Variants in PPARG observed in about 807,000 individuals in gnomAD.
The protein encoded by PPARG is peroxisome proliferator-activated receptor gamma.
PPARG carries 17 observed loss-of-function variants against 39.2 expected under a neutral mutation model. That is an observed-to-expected ratio of 0.43 (90% CI 0.30 to 0.65). The LOEUF (loss-of-function observed/expected upper bound fraction) is 0.65. Among genes scored for constraint, PPARG ranks in the 30% least tolerant of loss-of-function variants. The pLI, the probability that PPARG is intolerant of heterozygous loss-of-function variation, is 0.13. For missense variants in PPARG, 406 were observed against 585.9 expected (o/e 0.69, Z 3.17); for synonymous variants, 223 against 215.7 (o/e 1.03, Z -0.30).
At chr3:12,322,279 C>T (rs1056407141) in intron 2 of PPARG, among the ~76,000 whole-genome samples, 4 of 152,134 alleles carry the variant, frequency 2.6e-5, no homozygotes, top group African/African-American at 9.7e-5. Flanking sequence ...AAAGACTAGA[C>T]TAGTTATTGG....
chr3:12,378,281 G>T (rs921166579), intron 2 of PPARG, among the ~76,000 whole-genome samples: 1 of 152,164 alleles, frequency 6.6e-6, no homozygotes, highest in Non-Finnish European at 1.5e-5. Flanking sequence ...ATATCCAAGG[G>T]AAATGGAATC....
intron 4 of PPARG, among the ~76,000 whole-genome samples, chr3:12,384,775 C>T (rs2049812218): frequency 6.6e-6 from 1 of 152,094 alleles, no homozygotes; most frequent in Admixed American, 6.6e-5. Context: ...CTGGAAGCTA[C>T]ATGATGTAGG....
At chr3:12,343,390 T>G (rs549224691) in intron 2 of PPARG, among the ~76,000 whole-genome samples, 21 of 152,326 alleles carry the variant, frequency 1.4e-4, no homozygotes, top group African/African-American at 4.6e-4. Flanking sequence ...TCAGAAGGGC[T>G]CTGTTCATCT....
At chr3:12,323,904 T>G (rs2047616926) in intron 2 of PPARG, among the ~76,000 whole-genome samples, 1 of 152,200 alleles carries the variant, frequency 6.6e-6, no homozygotes, top group Admixed American at 6.5e-5. Flanking sequence ...ATTGCTAATT[T>G]GGGCAGCGAG....
intron 2 of PPARG, among the ~76,000 whole-genome samples, chr3:12,363,150 G>A (rs957271342): frequency 4.6e-5 from 7 of 152,050 alleles, no homozygotes; most frequent in Non-Finnish European, 5.9e-5. Context: ...GAACTCTTAG[G>A]CTCAAGTAAT....
chr3:12,342,210 G>A (rs1350662941), intron 2 of PPARG, among the ~76,000 whole-genome samples: 4 of 152,290 alleles, frequency 2.6e-5, no homozygotes, highest in South Asian at 4.1e-4. Flanking sequence ...AGAAACACAG[G>A]GGATGGAGAA....
chr3:12,432,088 T>A (rs1254973267), intron 7 of PPARG, among the ~76,000 whole-genome samples: 1 of 151,932 alleles, frequency 6.6e-6, no homozygotes, highest in African/African-American at 2.4e-5. Context: ...GGAAGAAAAA[T>A]TAAAGATAGT....
upstream of PPARG, chr3:12,287,835 C>G (rs1306266855): frequency 7.4e-6 from 1 of 134,816 alleles, no homozygotes; most frequent in Non-Finnish European, 1.6e-5. Context: ...CCCACCCCCA[C>G]CCCCACCCCC....
intron 6 of PPARG, among the ~76,000 whole-genome samples, chr3:12,408,567 C>CTTTTTTTTTTTTTTTTT (rs397945616): frequency 3.5e-5 from 4 of 113,266 alleles, no homozygotes; most frequent in African/African-American, 1.5e-4. Context: ...CTTTTCTTTT[C>CTTTTTTTTTTTTTTTTT]TTTTTTTTTT....
intron 1 of PPARG, among the ~76,000 whole-genome samples, chr3:12,304,282 G>GCGC (rs1169380127): frequency 5.9e-5 from 9 of 152,206 alleles, no homozygotes; most frequent in Non-Finnish European, 1.3e-4. Flanking sequence ...TCTTTGGGAT[G>GCGC]CCATTTTAAT....
At chr3:12,385,080 A>G (rs1203795184) in intron 4 of PPARG, among the ~76,000 whole-genome samples, 1 of 152,194 alleles carries the variant, frequency 6.6e-6, no homozygotes, top group East Asian at 1.9e-4. Flanking sequence ...CAGTAAAGAC[A>G]TCTCCTTAGC....
chr3:12,420,760 A>G (rs916444231), intron 7 of PPARG, among the ~76,000 whole-genome samples: 2 of 152,214 alleles, frequency 1.3e-5, no homozygotes, highest in South Asian at 2.1e-4. Context: ...GATTGCTGCC[A>G]TTGAACTTCA....
chr3:12,359,670 A>C (rs914737691), intron 2 of PPARG, among the ~76,000 whole-genome samples: 5 of 130,356 alleles, frequency 3.8e-5, no homozygotes, highest in Non-Finnish European at 6.7e-5. Context: ...TTACTCTTTT[A>C]TTTCTTTTTT....
chr3:12,332,627 T>C (rs375031464), intron 2 of PPARG, among the ~76,000 whole-genome samples: 22 of 152,328 alleles, frequency 1.4e-4, no homozygotes, highest in Admixed American at 5.2e-4. Flanking sequence ...TCAGCATTAT[T>C]AATGTCATCC....
In PPARG at chr3:12,372,521, C is replaced by T. The variant is rs150434102; in HGVS notation, c.-8-7183C>T. On this transcript the variant is annotated intron_variant, in intron 2 of 7. Transcript: ENST00000651735. ...GACACAATCCGGGCACAATATTTGG[C>T]GTAGTACTTTGCACAGATTTAGTGT... 4.4e-3 allele frequency among the ~76,000 whole-genome samples: 672 copies of T among 152,202 alleles called. 8 individuals carry two copies. The highest frequency in any genetic ancestry group is 0.015 in the African/African-American group (622 of 41,520).
intron 2 of PPARG, among the ~76,000 whole-genome samples, chr3:12,374,245 G>A (rs2049325332): frequency 6.6e-6 from 1 of 152,042 alleles, no homozygotes; most frequent in Non-Finnish European, 1.5e-5. Flanking sequence ...TATGTTTGGG[G>A]CAGTGAAACT....
chr3:12,334,953 A>G (rs1467409032), intron 2 of PPARG, among the ~76,000 whole-genome samples: 3 of 152,208 alleles, frequency 2.0e-5, no homozygotes, highest in Non-Finnish European at 2.9e-5. Context: ...TTTAAGTAGC[A>G]TGAACTGTCT....
rs893114919 is a variant in PPARG at position 12,339,579 on chromosome 3, A to G, written c.-9+27126A>G. On this transcript the variant is annotated intron_variant, in intron 2 of 7. Coordinates refer to ENST00000651735, the MANE Select transcript of PPARG (RefSeq NM_138711.6). ...TGACCCTTCCAAGGTCAGAAGACAC[A>G]GCTGAAAAAATACTTTTAGTGGAAC... Among the ~76,000 whole-genome samples, 44 of 152,240 alleles carry G rather than the reference A, an allele frequency of 2.9e-4. 1 individual carries two copies. Among genetic ancestry groups the G allele is most frequent in the African/African-American group, 1.0e-3 (42 of 41,466 alleles).
At chr3:12,349,001 A>G (rs978426637) in intron 2 of PPARG, among the ~76,000 whole-genome samples, 27 of 152,290 alleles carry the variant, frequency 1.8e-4, no homozygotes, top group African/African-American at 4.8e-4. Flanking sequence ...TTCTCTGATG[A>G]TCATATACTG....
Sources: gnomAD v4.1 joint callset for allele counts (sites outside exome capture counted in the v4.1 genomes callset) on GRCh38, gnomAD v4.1.1 for gene constraint, MANE v1.5 for transcripts, NCBI Gene and HGNC (gene_info 2026-07-23, HGNC 2026-07-21) for gene names.